Variants in NOX4 observed in about 807,000 individuals in gnomAD.
NOX4 encodes the protein kidney oxidase-1.
In NOX4, 69 loss-of-function variants were observed where a neutral mutation model predicts 87.6. The observed-to-expected ratio is 0.79, with a 90% CI of 0.65 to 0.96. The LOEUF (loss-of-function observed/expected upper bound fraction) is 0.96, where lower values mean the gene tolerates loss of function less well. NOX4 is among the 40% of genes least tolerant of loss of function. The probability of loss-of-function intolerance (pLI) is 0.00; values close to 1 mark genes in which losing one functional copy is unlikely to be tolerated. For synonymous variants in NOX4, 275 were observed against 238.2 expected, an observed-to-expected ratio of 1.15 and a Z score of -1.42; for missense variants, 680 against 681.5, an observed-to-expected ratio of 1.00 and a Z score of 0.02.
chr11:89,348,476 G>T (rs1322676875), intron 13 of NOX4, among the ~76,000 whole-genome samples: 2 of 151,352 alleles, frequency 1.3e-5, no homozygotes, highest in African/African-American at 2.4e-5. Flanking sequence ...TATATGCCAG[G>T]CCTGGTGGCA....
chr11:89,470,300 C>T (rs548724410), intron 2 of NOX4, among the ~76,000 whole-genome samples: 1 of 152,032 alleles, frequency 6.6e-6, no homozygotes, highest in East Asian at 1.9e-4. Context: ...GCTGCCTTTC[C>T]AGCCACAGCT....
At chr11:89,429,196 A>T (rs1031861535) in intron 7 of NOX4, among the ~76,000 whole-genome samples, 1 of 152,236 alleles carries the variant, frequency 6.6e-6, no homozygotes, top group Non-Finnish European at 1.5e-5. Flanking sequence ...AATCTCTGGG[A>T]CACATTTAAA....
Position 89,373,464 on chromosome 11 carries a change from C to G in NOX4, c.1103G>C (p.Gly368Ala). Reference protein sequence around the residue: ...MCPTETKATFGVHLKIVGDWT... With the variant: ...MCPTETKATFAVHLKIVGDWT... ...GTCTCCTACTATTTTAAGATGAACC[C>G]CAAATGTTGCTTTGGTTTCAGTTGG... The change falls in exon 12 of 18, where the codon GGG (glycine) becomes GCG (alanine). Residue 368 changes from glycine to alanine, a missense_variant. Physicochemically the swap from Gly to Ala is moderately conservative, Grantham distance 60 (BLOSUM62 0). Transcript: ENST00000263317. 2.5e-6 allele frequency: 4 copies of G among 1,597,990 alleles called. No homozygotes were observed. Among genetic ancestry groups the G allele is most frequent in the Non-Finnish European group, 2.6e-6 (3 of 1,166,782 alleles).
At chr11:89,505,080 T>C in the NOX4 span, among the ~76,000 whole-genome samples, 12 of 151,998 alleles carry the variant, frequency 7.9e-5, no homozygotes, top group Non-Finnish European at 1.8e-4. Flanking sequence ...TCACTCTTTG[T>C]TAGCTATTAC....
intron 13 of NOX4, among the ~76,000 whole-genome samples, 183 bp downstream of exon 13, chr11:89,354,779 C>T (rs531770544): frequency 1.3e-5 from 2 of 152,254 alleles, no homozygotes; most frequent in East Asian, 3.9e-4. Flanking sequence ...AGTATTTCTT[C>T]TATGACCCAG....
intron 8 of NOX4, among the ~76,000 whole-genome samples, chr11:89,417,903 T>C (rs1565262292): frequency 6.6e-6 from 1 of 152,072 alleles, no homozygotes; most frequent in Non-Finnish European, 1.5e-5. Context: ...TTCATACGGG[T>C]ATTAAGTGAT....
the NOX4 span, among the ~76,000 whole-genome samples, chr11:89,589,236 G>A: frequency 1.3e-5 from 2 of 151,842 alleles, no homozygotes; most frequent in African/African-American, 2.4e-5. Context: ...CACTTTTTCC[G>A]TTCCCCACCT....
intron 16 of NOX4, among the ~76,000 whole-genome samples, chr11:89,337,108 A>C (rs1945747290): frequency 6.6e-6 from 1 of 152,036 alleles, no homozygotes; most frequent in African/African-American, 2.4e-5. Flanking sequence ...AATAAGCTTA[A>C]CTGTATACGA....
At chr11:89,438,224 G>A (rs1201792957) in intron 6 of NOX4, among the ~76,000 whole-genome samples, 1 of 141,026 alleles carries the variant, frequency 7.1e-6, no homozygotes, top group Non-Finnish European at 1.5e-5. Flanking sequence ...AGTATTATTA[G>A]TATATTAGTA....
At chr11:89,455,478 T>TGAAAACAAC (rs1301058952) in intron 2 of NOX4, among the ~76,000 whole-genome samples, 1 of 152,118 alleles carries the variant, frequency 6.6e-6, no homozygotes, top group Non-Finnish European at 1.5e-5. Flanking sequence ...AACACAGTGG[T>TGAAAACAAC]AGTTTTCAGT....
In NOX4 at chr11:89,402,404, T is replaced by A. The variant is rs765877793; in HGVS notation, c.768A>T (p.Ser256=). 1.2e-6 allele frequency: 2 copies of A among 1,613,212 alleles called. No individual in the cohort carries two copies. Among genetic ancestry groups the A allele is most frequent in the East Asian group, 4.5e-5 (2 of 44,820 alleles). The change falls in exon 9 of 18, where the codon TCA becomes TCT. Residue 256 remains serine (S), a synonymous_variant. Coordinates refer to ENST00000263317, the MANE Select transcript of NOX4 (RefSeq NM_016931.5). ...HFHEPFPEGF[S]KPAEFTQHKF... is the part of the protein sequence containing the mutation. Reference sequence around the variant, plus strand: ...TGTGCTGGGTAAACTCTGCCGGTTTTGAAAATCCTTCAGGGAAAGGTTCAT... The same window carrying A: ...TGTGCTGGGTAAACTCTGCCGGTTTAGAAAATCCTTCAGGGAAAGGTTCAT...
Position 89,426,691 on chromosome 11 carries a change from G to T in NOX4, c.549-4709C>A, listed in dbSNP as rs1943437867. Among the ~76,000 whole-genome samples, 5 of 152,160 alleles carry T rather than the reference G, an allele frequency of 3.3e-5. 1 individual carries two copies. In the South Asian group the frequency reaches 8.3e-4, roughly 25 times the overall value. ...GGCTTGGGGAGGGGCGCCCACCATT[G>T]CTGAAGCTTGAGTAGGTAAACAAAG... On this transcript the variant is annotated intron_variant, in intron 7 of 17. Transcript: ENST00000263317.
chr11:89,587,848 T>A, the NOX4 span, among the ~76,000 whole-genome samples: 3 of 152,158 alleles, frequency 2.0e-5, no homozygotes, highest in South Asian at 2.1e-4. Flanking sequence ...ATTCTTAGAT[T>A]TTGAAGACAC....
chr11:89,350,693 A>G (rs1946418440), intron 13 of NOX4, among the ~76,000 whole-genome samples: 1 of 152,206 alleles, frequency 6.6e-6, no homozygotes, highest in African/African-American at 2.4e-5. Flanking sequence ...TTGTGAATGA[A>G]ATACATTCTA....
intron 11 of NOX4, among the ~76,000 whole-genome samples, chr11:89,392,300 T>C (rs1266744691): frequency 1.3e-5 from 2 of 152,130 alleles, no homozygotes; most frequent in Non-Finnish European, 2.9e-5. Flanking sequence ...AGAGCCTTCA[T>C]ACTGAGGGCT....
intron 16 of NOX4, 158 bp from the exon 17 acceptor site, chr11:89,336,103 T>C (rs999288332): frequency 1.6e-5 from 7 of 429,240 alleles, no homozygotes; most frequent in Admixed American, 1.3e-4. Context: ...TTTCAAAATA[T>C]CATTTCCTTT....
chr11:89,551,223 G>C, the NOX4 span, among the ~76,000 whole-genome samples: 2 of 152,286 alleles, frequency 1.3e-5, no homozygotes, highest in East Asian at 3.9e-4. Flanking sequence ...ATAGTTTGAA[G>C]ACAGGTAGCG....
chr11:89,548,891 T>C, the NOX4 span: 5 of 151,600 alleles, frequency 3.3e-5, no homozygotes, highest in Non-Finnish European at 7.4e-5. Context: ...ATAAAGCTTA[T>C]CTCCAGACTC....
Position 89,400,096 on chromosome 11 carries a change from A to C in NOX4, c.1012-17T>G. ...AGTAATATACTAAAAAGCAACAAAC[A>C]GATAAGTTTTAAATGACCAATTAAG... On this transcript the variant is annotated splice_polypyrimidine_tract_variant and intron_variant, in intron 10 of 17. Transcript: ENST00000263317. The C allele has an allele frequency of 6.3e-7, 1 of 1,594,272 alleles. No homozygotes were observed. The highest frequency in any genetic ancestry group is 8.6e-7 in the Non-Finnish European group (1 of 1,166,932).
Sources: gnomAD v4.1 joint callset for allele counts (sites outside exome capture counted in the v4.1 genomes callset) on GRCh38, gnomAD v4.1.1 for gene constraint, MANE v1.5 for transcripts, NCBI Gene and HGNC (gene_info 2026-07-23, HGNC 2026-07-21) for gene names.